The following MAPK1IP1L variants were observed in gnomAD, a reference collection of about 807,000 sequenced individuals.
MAPK1IP1L encodes the protein MAPK-interacting and spindle-stabilizing protein-like.
In MAPK1IP1L, 10 loss-of-function variants were observed where a neutral mutation model predicts 18.1. The ratio of observed to expected loss-of-function variants is 0.55; its 90% CI spans 0.34 to 0.94. The LOEUF is 0.94. Ranked by LOEUF, MAPK1IP1L falls within the 40% of genes least tolerant of loss-of-function variation. MAPK1IP1L has a pLI of 0.02. For missense variants in MAPK1IP1L, 260 were observed against 318.2 expected (o/e 0.82, Z 1.39); for synonymous variants, 115 against 117.3 (o/e 0.98, Z 0.13).
At chr14:55,055,165 A>T (rs2042761361) in intron 1 of MAPK1IP1L, among the ~76,000 whole-genome samples, 1 of 152,106 alleles carries the variant, frequency 6.6e-6, no homozygotes, top group Non-Finnish European at 1.5e-5. Context: ...GAGTGCCACT[A>T]ATATTGCCCA....
chr14:55,060,154 A>ATTTTT lies in MAPK1IP1L; in HGVS notation c.-4-1495_-4-1491dup, dbSNP rs71131248. Among the ~76,000 whole-genome samples the ATTTTT allele has an allele frequency of 2.8e-3, 177 of 63,946 alleles. 1 individual carries two copies. Among genetic ancestry groups the ATTTTT allele is most frequent in the East Asian group, 6.0e-3 (10 of 1,672 alleles). 42.0% of individuals were successfully genotyped at this position (63,946 alleles called of 152,430 possible). ...TACAGATAAAAGGAATTTTGGAGAA[A>ATTTTT]TTTTTTTTTTTTTTTTTTTTTTTTT... On this transcript the variant is annotated intron_variant, in intron 1 of 3. Coordinates refer to ENST00000395468, the MANE Select transcript of MAPK1IP1L (RefSeq NM_144578.4).
rs1212667574 is a variant in MAPK1IP1L, at chr14:55,066,789, CTATAAG to C, written c.*2168_*2173del. The C allele has an allele frequency of 2.0e-5, 3 of 152,238 alleles. No homozygotes were observed. The highest frequency in any genetic ancestry group is 6.5e-5 in the Admixed American group (1 of 15,280). The allele number at this position is 152,238 out of a possible 1,614,324, so 9.4% of individuals were successfully genotyped here. On this transcript the variant is annotated 3_prime_UTR_variant, in exon 4 of 4. Transcript: ENST00000395468. ...GAACACAATTTGGGATTATTACTCC[CTATAAG>C]TATAATAATTTTGCTAGTGACCCAT...
At chr14:55,064,560 TTAA>T (rs2042847340) in intron 3 of MAPK1IP1L, 53 bp from the exon 4 acceptor site, 2 of 1,520,746 alleles carry the variant, frequency 1.3e-6, no homozygotes, top group African/African-American at 1.4e-5. Context: ...CAGTAAGGAG[TTAA>T]TAAACTCCAT....
chr14:55,059,389 TG>T (rs2042798076), intron 1 of MAPK1IP1L, among the ~76,000 whole-genome samples: 1 of 152,000 alleles, frequency 6.6e-6, no homozygotes, highest in South Asian at 2.1e-4. Context: ...CCCAAGACTT[TG>T]GGAGGCCGAG....
intron 1 of MAPK1IP1L, among the ~76,000 whole-genome samples, chr14:55,056,420 G>A (rs1179179458): frequency 2.6e-5 from 4 of 152,128 alleles, no homozygotes; most frequent in East Asian, 1.9e-4. Context: ...ACAACTTACC[G>A]TATATTTTCT....
chr14:55,054,180 T>C (rs2042752569), intron 1 of MAPK1IP1L, among the ~76,000 whole-genome samples: 1 of 147,188 alleles, frequency 6.8e-6, no homozygotes, highest in Non-Finnish European at 1.5e-5. Flanking sequence ...ATATTTTCTT[T>C]TTTTTTTTTT....
intron 1 of MAPK1IP1L, among the ~76,000 whole-genome samples, chr14:55,052,210 C>A (rs923251579): frequency 4.2e-5 from 6 of 143,342 alleles, no homozygotes; most frequent in African/African-American, 1.5e-4. Flanking sequence ...CGTCCCTAAA[C>A]GGCTGCCGGC....
In MAPK1IP1L at chr14:55,069,348, T is replaced by A. The variant is rs1040267865; in HGVS notation, c.*4721T>A. The A allele has an allele frequency of 2.0e-5, 3 of 152,654 alleles. No individual in the cohort carries two copies. Among genetic ancestry groups the A allele is most frequent in the African/African-American group, 7.2e-5 (3 of 41,458 alleles). 9.5% of individuals were successfully genotyped at this position (152,654 alleles called of 1,614,324 possible). ...ATATACATATGTTTGTATTATAAATTGTAAGCAATCAGTTTGAGATACTAG... is the reference window on the plus strand; with the variant it reads ...ATATACATATGTTTGTATTATAAATAGTAAGCAATCAGTTTGAGATACTAG... On this transcript the variant is annotated 3_prime_UTR_variant, in exon 4 of 4. Transcript: ENST00000395468.
chr14:55,056,294 C>T (rs1347394731), intron 1 of MAPK1IP1L, among the ~76,000 whole-genome samples: 2 of 152,190 alleles, frequency 1.3e-5, no homozygotes, highest in East Asian at 1.9e-4. Context: ...AAAACCTGAA[C>T]AGTCAAGGCC....
In MAPK1IP1L at chr14:55,069,567, T is replaced by C. The variant is rs913603185; in HGVS notation, c.*4940T>C. 1 of 152,644 alleles carries C rather than the reference T, an allele frequency of 6.6e-6. No individual in the cohort carries two copies. Among genetic ancestry groups the C allele is most frequent in the South Asian group, 2.1e-4 (1 of 4,838 alleles). 9.5% of individuals were successfully genotyped at this position (152,644 alleles called of 1,614,324 possible). On this transcript the variant is annotated 3_prime_UTR_variant, in exon 4 of 4. Transcript: ENST00000395468. ...TTCACAGATTTTTCATGTTATTTTA[T>C]TCTTTAGGCCCAATTCTGGGCTTCT...
At position 55,051,698 on chromosome 14, in the gene MAPK1IP1L, C is replaced by G; in HGVS notation, c.-110C>G. 1.9e-6 allele frequency: 1 copy of G among 516,282 alleles called. No individual in the cohort carries two copies. The highest frequency in any genetic ancestry group is 1.4e-5 in the South Asian group (1 of 71,468). The allele number at this position is 516,282 out of a possible 1,614,324, so 32.0% of individuals were successfully genotyped here. On this transcript the variant is annotated 5_prime_UTR_variant, in exon 1 of 4. Transcript: ENST00000395468. ...CCGCGCGCTGCTGGTGCTGTTGCCG[C>G]CGCTGCTCTAGCTGCCGTCAGTCAG... is the stretch of plus-strand genomic sequence containing the variant.
intron 1 of MAPK1IP1L, among the ~76,000 whole-genome samples, chr14:55,052,960 G>C (rs1476808769): frequency 6.6e-6 from 1 of 152,176 alleles, no homozygotes. Context: ...CATGTTAGAC[G>C]AGAGATAACA....
At chr14:55,062,555 T>C (rs1356752416) in intron 2 of MAPK1IP1L, 63 bp from the exon 3 acceptor site, 15 of 1,342,402 alleles carry the variant, frequency 1.1e-5, no homozygotes, top group African/African-American at 1.5e-5. Context: ...CTCTGTGGGT[T>C]TATAATGGTG....
chr14:55,061,507 G>T (rs866008200), intron 1 of MAPK1IP1L, among the ~76,000 whole-genome samples, 173 bp from the exon 2 acceptor site: 1 of 152,174 alleles, frequency 6.6e-6, no homozygotes, highest in Non-Finnish European at 1.5e-5. Flanking sequence ...TAATAGAGCT[G>T]TATGAACTAT....
chr14:55,062,997 C>G lies in MAPK1IP1L; in HGVS notation c.398C>G (p.Pro133Arg). ...FPELPRPYGA[P>R]TDPAAAGPLG... The stretch of plus-strand genomic sequence containing the variant: ...GAGCTACCCAGACCATATGGTGCAC[C>G]CACAGATCCAGCTGCAGCTGGTCCT... The change falls in exon 3 of 4, where the codon CCC (proline) becomes CGC (arginine). Residue 133 changes from proline (P) to arginine (R), a missense_variant. Coordinates refer to ENST00000395468, the MANE Select transcript of MAPK1IP1L (RefSeq NM_144578.4). The G allele has an allele frequency of 6.2e-7, 1 of 1,613,802 alleles. No individual in the cohort carries two copies. Among genetic ancestry groups the G allele is most frequent in the Non-Finnish European group, 8.5e-7 (1 of 1,179,734 alleles).
At chr14:55,060,135 T>A (rs1330748726) in intron 1 of MAPK1IP1L, among the ~76,000 whole-genome samples, 1 of 142,806 alleles carries the variant, frequency 7.0e-6, no homozygotes, top group East Asian at 2.2e-4. Flanking sequence ...GATCTACAGA[T>A]AAAAGGAATT....
At chr14:55,061,452 G>A (rs993848707) in intron 1 of MAPK1IP1L, among the ~76,000 whole-genome samples, 3 of 152,090 alleles carry the variant, frequency 2.0e-5, no homozygotes, top group African/African-American at 7.2e-5. Flanking sequence ...AAATTAAATT[G>A]CAAATCATTT....
chr14:55,051,731 C>T lies in MAPK1IP1L; in HGVS notation c.-77C>T, dbSNP rs1284608373. On this transcript the variant is annotated 5_prime_UTR_variant, in exon 1 of 4. Coordinates refer to ENST00000395468, the MANE Select transcript of MAPK1IP1L (RefSeq NM_144578.4). ...CTAGCTGCCGTCAGTCAGGCTGCGC[C>T]CGCGTCTTCAGGGCCCAGTCCCTCG... 3.9e-6 allele frequency: 2 copies of T among 516,098 alleles called. No individual in the cohort carries two copies. The highest frequency in any genetic ancestry group is 3.9e-5 in the African/African-American group (2 of 51,502). The allele number at this position is 516,098 out of a possible 1,614,324, so 32.0% of individuals were successfully genotyped here.
rs2042876475 is a variant in MAPK1IP1L at position 55,067,795 on chromosome 14, A to C, written c.*3168A>C. 3 of 152,184 alleles carry C rather than the reference A, an allele frequency of 2.0e-5. No homozygotes were observed. Among genetic ancestry groups the C allele is most frequent in the Admixed American group, 2.0e-4 (3 of 15,268 alleles). 9.4% of individuals were successfully genotyped at this position (152,184 alleles called of 1,614,324 possible). On this transcript the variant is annotated 3_prime_UTR_variant, in exon 4 of 4. Coordinates refer to ENST00000395468, the MANE Select transcript of MAPK1IP1L (RefSeq NM_144578.4). ...TGGAAAAGACTGCTTGTTAGCAAGT[A>C]TATTTGGTCTTGAGGGGGATACAGA...
Sources: gnomAD v4.1 joint callset for allele counts (sites outside exome capture counted in the v4.1 genomes callset) on GRCh38, gnomAD v4.1.1 for gene constraint, MANE v1.5 for transcripts, NCBI Gene and HGNC (gene_info 2026-07-23, HGNC 2026-07-21) for gene names.